Variants in UBN2 observed in about 807,000 individuals in gnomAD.
The protein encoded by UBN2 is ubinuclein-2.
In UBN2, 35 loss-of-function variants were observed where a neutral mutation model predicts 120.2. The observed-to-expected ratio is 0.29, with a 90% CI of 0.22 to 0.39. The LOEUF is 0.39. UBN2 is among the 10% of genes least tolerant of loss of function. The pLI is 1.00. For synonymous variants in UBN2, 661 were observed against 648.7 expected (o/e 1.02, Z -0.29); for missense variants, 1,693 against 1,663.2 (o/e 1.02, Z -0.31).
chr7:139,256,240 C>G (rs1163135565), intron 3 of UBN2, among the ~76,000 whole-genome samples: 1 of 152,182 alleles, frequency 6.6e-6, no homozygotes, highest in Non-Finnish European at 1.5e-5. Flanking sequence ...GAACATGTTT[C>G]ACTCCCACGT....
chr7:139,246,533 AT>A (rs1376134986), intron 2 of UBN2, among the ~76,000 whole-genome samples: 1 of 152,370 alleles, frequency 6.6e-6, no homozygotes, highest in East Asian at 1.9e-4. Flanking sequence ...AGCAGAAATT[AT>A]GAGAGACTTT....
chr7:139,310,357 A>G (rs1248961326), downstream of UBN2, among the ~76,000 whole-genome samples: 1 of 152,182 alleles, frequency 6.6e-6, no homozygotes, highest in Non-Finnish European at 1.5e-5. Flanking sequence ...TACAAAGTAC[A>G]TGGGGATCTA....
Position 139,298,956 on chromosome 7 carries a change from T to C in UBN2, c.*1120T>C, listed in dbSNP as rs923548809. 7.9e-5 allele frequency: 12 copies of C among 152,186 alleles called. No homozygotes were observed. Among genetic ancestry groups the C allele is most frequent in the Non-Finnish European group, 2.9e-5 (2 of 68,022 alleles). 9.4% of individuals were successfully genotyped at this position (152,186 alleles called of 1,614,324 possible). On this transcript the variant is annotated 3_prime_UTR_variant, in exon 18 of 18. Transcript: ENST00000473989. ...GGTATTTTAAAGGGAGGAATCACAT[T>C]AGGATCACAATCACGACATATTTTT...
At chr7:139,239,492 A>G (rs1473894907) in intron 2 of UBN2, among the ~76,000 whole-genome samples, 3 of 150,326 alleles carry the variant, frequency 2.0e-5, no homozygotes, top group African/African-American at 4.9e-5. Flanking sequence ...TGCATTTATA[A>G]TTTTAGTATA....
intron 9 of UBN2, among the ~76,000 whole-genome samples, chr7:139,273,000 C>T (rs770133730): frequency 6.6e-6 from 1 of 152,200 alleles, no homozygotes; most frequent in African/African-American, 2.4e-5. Context: ...GGTGATCAAG[C>T]AAGAGCTGAC....
chr7:139,283,582 T>C lies in UBN2; in HGVS notation c.2677T>C (p.Ser893Pro). The C allele has an allele frequency of 6.2e-7, 1 of 1,614,170 alleles. No individual in the cohort carries two copies. Residue 893 changes from serine (S) to proline (P), a missense_variant, in exon 15 of 18, where the codon TCA (serine) becomes CCA (proline). Physicochemically the swap from Ser to Pro is moderately conservative, Grantham distance 74 (BLOSUM62 -1). Transcript: ENST00000473989. ...RSSQIHTSSS[S>P]QTHVSSSSQA... Reference sequence around the variant, plus strand: ...AAGCCAGATTCACACTTCTTCCTCTTCACAGACCCATGTCTCCTCTTCTTC... The same window carrying C: ...AAGCCAGATTCACACTTCTTCCTCTCCACAGACCCATGTCTCCTCTTCTTC...
chr7:139,255,033 C>T (rs1041434787), intron 3 of UBN2, among the ~76,000 whole-genome samples: 9 of 152,128 alleles, frequency 5.9e-5, no homozygotes, highest in South Asian at 2.1e-4. Context: ...AATAATGACA[C>T]GTATCTACCA....
chr7:139,252,354 C>T (rs1285228922), intron 3 of UBN2, among the ~76,000 whole-genome samples: 2 of 152,048 alleles, frequency 1.3e-5, no homozygotes, highest in Non-Finnish European at 2.9e-5. Context: ...TTTGTGAACC[C>T]TGTGGTTTCT....
chr7:139,322,415 C>CGAGT, the UBN2 span, among the ~76,000 whole-genome samples: 2 of 152,218 alleles, frequency 1.3e-5, no homozygotes, highest in Non-Finnish European at 2.9e-5. Context: ...TAGGGACACT[C>CGAGT]CTGAGAAAGC....
chr7:139,254,034 C>T (rs1344487387), intron 3 of UBN2, among the ~76,000 whole-genome samples: 3 of 152,178 alleles, frequency 2.0e-5, no homozygotes, highest in Non-Finnish European at 4.4e-5. Context: ...TGGCTCACGC[C>T]TGTAATCCCA....
chr7:139,291,094 C>T (rs1797942314), intron 15 of UBN2, among the ~76,000 whole-genome samples: 1 of 152,166 alleles, frequency 6.6e-6, no homozygotes, highest in South Asian at 2.1e-4. Context: ...GACACGGTGG[C>T]TCACGCATGT....
At chr7:139,273,839 T>C (rs1389455561) in intron 10 of UBN2, 92 bp from the exon 11 acceptor site, 2 of 1,128,312 alleles carry the variant, frequency 1.8e-6, no homozygotes, top group South Asian at 3.7e-5. Context: ...AATTGTTTGT[T>C]ATTTTCTGAA....
intron 17 of UBN2, among the ~76,000 whole-genome samples, chr7:139,295,977 A>G (rs1176865200): frequency 1.3e-5 from 2 of 152,156 alleles, no homozygotes; most frequent in African/African-American, 4.8e-5. Context: ...AGTGTAAGTC[A>G]CTGAACTTGA....
At chr7:139,261,885 C>T (rs1796946758) in intron 6 of UBN2, 144 bp downstream of exon 6, 2 of 821,990 alleles carry the variant, frequency 2.4e-6, no homozygotes, top group Non-Finnish European at 1.8e-6. Context: ...ACAATCTGAA[C>T]ATTTTTATAA....
chr7:139,297,821 A>C lies in UBN2; in HGVS notation c.4029A>C (p.Pro1343=). The change falls in exon 18 of 18, where the codon CCA becomes CCC. Residue 1343 remains proline (P), a synonymous_variant. Coordinates refer to ENST00000473989, the MANE Select transcript of UBN2 (RefSeq NM_173569.4). ...AAAGTAAAGGGGACACTAAATTACC[A>C]CGGAAATCTCAGTGACTGCCCAGCA... is the stretch of plus-strand genomic sequence containing the variant. ...GGQSKGDTKL[P]RKSQ The C allele has an allele frequency of 6.2e-7, 1 of 1,614,132 alleles. No homozygotes were observed.
chr7:139,279,113 C>T (rs1797529633), intron 12 of UBN2, among the ~76,000 whole-genome samples: 1 of 151,858 alleles, frequency 6.6e-6, no homozygotes, highest in Admixed American at 6.6e-5. Flanking sequence ...TCATGTTTTA[C>T]TAGTTGTTTG....
chr7:139,265,259 G>A (rs1361830625), intron 6 of UBN2, among the ~76,000 whole-genome samples: 1 of 152,074 alleles, frequency 6.6e-6, no homozygotes, highest in East Asian at 1.9e-4. Context: ...ACTTTGGGAG[G>A]CTGAGGCAGG....
chr7:139,308,998 A>C (rs1454906761), downstream of UBN2, among the ~76,000 whole-genome samples: 4 of 152,154 alleles, frequency 2.6e-5, no homozygotes, highest in Non-Finnish European at 5.9e-5. Context: ...TAAACCAGGG[A>C]GTCAGAACCA....
Position 139,284,143 on chromosome 7 carries a change from A to G in UBN2, c.3238A>G (p.Asn1080Asp). The G allele has an allele frequency of 6.2e-7, 1 of 1,614,002 alleles. No individual in the cohort carries two copies. Among genetic ancestry groups the G allele is most frequent in the East Asian group, 2.2e-5 (1 of 44,874 alleles). Reference sequence around the variant, plus strand: ...ATCAACTAAACTTATTTCTAAATCCAACCCAACTCCCAAGCCTACTGTATC... The same window carrying G: ...ATCAACTAAACTTATTTCTAAATCCGACCCAACTCCCAAGCCTACTGTATC... ...SVSTKLISKSNPTPKPTVSPS... is the reference protein window; with the variant it reads ...SVSTKLISKSDPTPKPTVSPS... The change falls in exon 15 of 18, where the codon AAC (asparagine) becomes GAC (aspartate). Residue 1080 changes from asparagine (N) to aspartate (D), a missense_variant. Coordinates refer to ENST00000473989, the MANE Select transcript of UBN2 (RefSeq NM_173569.4).
Sources: gnomAD v4.1 joint callset for allele counts (sites outside exome capture counted in the v4.1 genomes callset) on GRCh38, gnomAD v4.1.1 for gene constraint, MANE v1.5 for transcripts, NCBI Gene and HGNC (gene_info 2026-07-23, HGNC 2026-07-21) for gene names.